MEIS1: variants seen among roughly 807,000 people sequenced by gnomAD.
MEIS1 encodes the protein Meis homeobox 1.
Under a neutral mutation model 50.8 loss-of-function variants are expected in MEIS1, and 5 were observed. The ratio of observed to expected loss-of-function variants is 0.10; its 90% CI spans 0.05 to 0.21. MEIS1 has a LOEUF of 0.21. Ranked by LOEUF, MEIS1 falls within the 10% of genes least tolerant of loss-of-function variation. The probability of loss-of-function intolerance (pLI) is 1.00; values close to 1 mark genes in which losing one functional copy is unlikely to be tolerated. For synonymous variants in MEIS1, 176 were observed against 179.3 expected, an observed-to-expected ratio of 0.98 and a Z score of 0.15; for missense variants, 318 against 517.3, an observed-to-expected ratio of 0.61 and a Z score of 3.74.
At chr2:66,459,914 A>G (rs1457008855) in intron 6 of MEIS1, among the ~76,000 whole-genome samples, 1 of 152,214 alleles carries the variant, frequency 6.6e-6, no homozygotes, top group African/African-American at 2.4e-5. Context: ...TGGACATACA[A>G]GTCTAAAGAC....
intron 9 of MEIS1, among the ~76,000 whole-genome samples, chr2:66,550,107 A>G (rs2103935650): frequency 6.6e-6 from 1 of 152,324 alleles, no homozygotes; most frequent in South Asian, 2.1e-4. Context: ...GTATATGCAG[A>G]CTTTACCCTA....
At chr2:66,472,296 C>G (rs1025415911) in intron 7 of MEIS1, among the ~76,000 whole-genome samples, 2 of 152,124 alleles carry the variant, frequency 1.3e-5, no homozygotes, top group African/African-American at 2.4e-5. Context: ...AGGGAAGCAT[C>G]CATTTAATGT....
At chr2:66,536,099 A>G (rs1343545031) in intron 8 of MEIS1, among the ~76,000 whole-genome samples, 1 of 152,188 alleles carries the variant, frequency 6.6e-6, no homozygotes, top group African/African-American at 2.4e-5. Context: ...TGCCTCTCTC[A>G]CAGCTTATAA....
At chr2:66,477,247 G>A (rs898064112) in intron 7 of MEIS1, among the ~76,000 whole-genome samples, 1 of 152,074 alleles carries the variant, frequency 6.6e-6, no homozygotes, top group Non-Finnish European at 1.5e-5. Context: ...GAGGGAGGAG[G>A]CTAGAGAGAG....
At chr2:66,566,660 A>G (rs1675355304) in intron 9 of MEIS1, among the ~76,000 whole-genome samples, 1 of 152,158 alleles carries the variant, frequency 6.6e-6, no homozygotes, top group Admixed American at 6.5e-5. Context: ...AAATAATTGT[A>G]CAAAACTATC....
chr2:66,530,057 A>G (rs917596398), intron 8 of MEIS1, among the ~76,000 whole-genome samples: 4 of 152,134 alleles, frequency 2.6e-5, no homozygotes, highest in Non-Finnish European at 4.4e-5. Context: ...AGAAATGAAG[A>G]AGGCTGCTAT....
intron 8 of MEIS1, among the ~76,000 whole-genome samples, chr2:66,519,158 G>C (rs1674048224): frequency 6.6e-6 from 1 of 152,202 alleles, no homozygotes; most frequent in South Asian, 2.1e-4. Context: ...GTCCATGACA[G>C]AGGGCAACCA....
chr2:66,567,791 A>ATT (rs5831822), intron 10 of MEIS1: 651 of 560,372 alleles, frequency 1.2e-3, no homozygotes, highest in Non-Finnish European at 1.4e-3. Context: ...TATTAATGTT[A>ATT]TTTTTTTTCT....
intron 2 of MEIS1, chr2:66,439,459 C>G (rs1200887475): frequency 1.5e-6 from 2 of 1,367,832 alleles, no homozygotes; most frequent in Non-Finnish European, 1.9e-6. Flanking sequence ...ACTCTCCGCC[C>G]GGCGCCTTTC....
At chr2:66,537,407 G>C (rs1204070039) in intron 8 of MEIS1, among the ~76,000 whole-genome samples, 1 of 152,038 alleles carries the variant, frequency 6.6e-6, no homozygotes, top group Non-Finnish European at 1.5e-5. Flanking sequence ...CTGTCTACTG[G>C]GGACAATGAT....
intron 3 of MEIS1, 159 bp downstream of exon 3, chr2:66,440,143 T>G: frequency 4.2e-6 from 3 of 712,686 alleles, no homozygotes; most frequent in Non-Finnish European, 6.8e-6. Flanking sequence ...GCCATGCATG[T>G]TACCTCCAAC....
chr2:66,458,175 C>A (rs1481910741), intron 6 of MEIS1, among the ~76,000 whole-genome samples: 2 of 151,720 alleles, frequency 1.3e-5, no homozygotes, highest in Non-Finnish European at 2.9e-5. Flanking sequence ...ATTTTTGGTT[C>A]GAAAAAAATG....
intron 6 of MEIS1, among the ~76,000 whole-genome samples, chr2:66,463,567 C>T (rs961285332): frequency 3.3e-5 from 5 of 152,184 alleles, no homozygotes; most frequent in African/African-American, 1.2e-4. Flanking sequence ...TATTCTCATT[C>T]CTTTTTTGTG....
chr2:66,501,030 G>T (rs1673541711), intron 7 of MEIS1, among the ~76,000 whole-genome samples: 2 of 152,160 alleles, frequency 1.3e-5, no homozygotes, highest in South Asian at 4.1e-4. Flanking sequence ...CCTATATGGG[G>T]TACTTTTTTT....
At chr2:66,465,497 A>G (rs951631800) in intron 7 of MEIS1, among the ~76,000 whole-genome samples, 25 of 152,134 alleles carry the variant, frequency 1.6e-4, no homozygotes, top group Non-Finnish European at 7.4e-5. Context: ...TCAGAGTGCT[A>G]TAGTTAAGGT....
chr2:66,560,430 A>T (rs556878389), intron 9 of MEIS1, among the ~76,000 whole-genome samples: 93 of 151,860 alleles, frequency 6.1e-4, no homozygotes, highest in Non-Finnish European at 1.0e-3. Flanking sequence ...TACAAAAAAA[A>T]CAAAACGACA....
intron 7 of MEIS1, among the ~76,000 whole-genome samples, chr2:66,500,303 T>C (rs891280241): frequency 3.9e-5 from 6 of 152,194 alleles, no homozygotes; most frequent in African/African-American, 1.4e-4. Context: ...ACTGATTTAA[T>C]TGGTCTTGAG....
chr2:66,560,470 T>C (rs1675184712), intron 9 of MEIS1, among the ~76,000 whole-genome samples: 1 of 151,434 alleles, frequency 6.6e-6, no homozygotes, highest in African/African-American at 2.4e-5. Flanking sequence ...GATGCATAAC[T>C]GTAGTCCTCG....
chr2:66,565,513 A>G (rs1675325767), intron 9 of MEIS1, among the ~76,000 whole-genome samples: 1 of 152,190 alleles, frequency 6.6e-6, no homozygotes, highest in South Asian at 2.1e-4. Flanking sequence ...ACTGTGCCAG[A>G]GCACCAGGGA....
Sources: allele counts gnomAD v4.1 joint callset (sites outside exome capture counted in the v4.1 genomes callset), GRCh38; gene constraint gnomAD v4.1.1; transcripts MANE v1.5; gene names NCBI Gene and HGNC (gene_info 2026-07-23, HGNC 2026-07-21).